Variants in CKLF observed in about 807,000 individuals in gnomAD.
The protein encoded by CKLF is chemokine-like factor.
CKLF carries 16 observed loss-of-function variants against 12.9 expected under a neutral mutation model. The ratio of observed to expected loss-of-function variants is 1.24; its 90% confidence interval spans 0.84 to 1.88. The LOEUF (loss-of-function observed/expected upper bound fraction) is 1.88, where lower values mean the gene tolerates loss of function less well. CKLF is among the 40% of genes most tolerant of loss of function. The pLI is 0.00. For synonymous variants in CKLF, 61 were observed against 69.0 expected (o/e 0.88, Z 0.57); for missense variants, 172 against 188.5 (o/e 0.91, Z 0.51).
At chr16:66,554,970 C>T (rs1290902734) in intron 1 of CKLF, among the ~76,000 whole-genome samples, 2 of 152,126 alleles carry the variant, frequency 1.3e-5, no homozygotes, top group East Asian at 3.9e-4. Context: ...GGCCCGGTGG[C>T]TCACCCTGTA....
intron 3 of CKLF, among the ~76,000 whole-genome samples, chr16:66,564,186 AT>A (rs935704769): frequency 6.6e-6 from 1 of 152,076 alleles, no homozygotes; most frequent in African/African-American, 2.4e-5. Context: ...TCATTTACTC[AT>A]TTCTTAAGTG....
intron 3 of CKLF, among the ~76,000 whole-genome samples, chr16:66,563,930 C>G (rs1025652947): frequency 1.3e-5 from 2 of 152,176 alleles, no homozygotes; most frequent in Non-Finnish European, 2.9e-5. Context: ...ATAAATCTTC[C>G]TACTTCCATG....
At chr16:66,554,177 G>A (rs571166311) in intron 1 of CKLF, among the ~76,000 whole-genome samples, 2 of 152,324 alleles carry the variant, frequency 1.3e-5, no homozygotes, top group South Asian at 4.1e-4. Flanking sequence ...CTAGGAGCTG[G>A]AACAGCAAAG....
chr16:66,562,212 G>T (rs1424714313), intron 2 of CKLF, among the ~76,000 whole-genome samples: 1 of 151,986 alleles, frequency 6.6e-6, no homozygotes, highest in Admixed American at 6.6e-5. Context: ...AGCCTCCCAA[G>T]TAGCTGGAAC....
chr16:66,563,206 G>C lies in CKLF; in HGVS notation c.322G>C (p.Val108Leu). Residue 108 changes from valine to leucine, a missense_variant, in exon 3 of 4, where the codon GTT becomes CTT. By Grantham distance (32) the Val-to-Leu change is conservative (BLOSUM62 1). Coordinates refer to ENST00000264001, the MANE Select transcript of CKLF (RefSeq NM_016951.4). ...GATACCAGAAACCACAACATTGACA[G>C]TTGGTGGAGGGGTAAGTGGAAGTCT... is the stretch of plus-strand genomic sequence containing the variant. ...ALIPETTTLT[V>L]GGGVFALVTA... 1 of 1,614,060 alleles carries C rather than the reference G, an allele frequency of 6.2e-7. No homozygotes were observed. The highest frequency in any genetic ancestry group is 8.5e-7 in the Non-Finnish European group (1 of 1,179,990).
rs1373108573 is a variant in CKLF at position 66,552,645 on chromosome 16, T to C, written c.-71T>C. On this transcript the variant is annotated 5_prime_UTR_variant, in exon 1 of 4. Coordinates refer to ENST00000264001, the MANE Select transcript of CKLF (RefSeq NM_016951.4). ...CGCCGCGGTGGCGGTTGCTATCGCT[T>C]CGCAGAACCTACTCAGGCAGCCAGC... The C allele has an allele frequency of 1.9e-6, 3 of 1,610,494 alleles. No individual in the cohort carries two copies. The highest frequency in any genetic ancestry group is 2.7e-5 in the African/African-American group (2 of 74,902).
downstream of CKLF, chr16:66,566,259 CTT>C: frequency 6.9e-7 from 1 of 1,456,706 alleles, no homozygotes. This position sits in a 1 kb window ranked among gnomAD's most constrained non-coding sequence, Gnocchi z 4.9. Context: ...CTTTGAATCT[CTT>C]TACTGCCTGG....
At chr16:66,559,160 T>TGCAGTGGTCTCATCCTCTTGGATGCC (rs1243446269) in intron 2 of CKLF, among the ~76,000 whole-genome samples, 7 of 152,336 alleles carry the variant, frequency 4.6e-5, no homozygotes, top group African/African-American at 1.7e-4. Flanking sequence ...CTTCCTTGGC[T>TGCAGTGGTCTCATCCTCTTGGATGCC]GCAGTGGTCT....
intron 3 of CKLF, chr16:66,565,514 A>G (rs1186863137): frequency 1.5e-5 from 3 of 194,952 alleles, no homozygotes; most frequent in Non-Finnish European, 3.2e-5. Flanking sequence ...TCAGTAGAGA[A>G]GTCAGAGTTG....
intron 3 of CKLF, among the ~76,000 whole-genome samples, chr16:66,565,466 G>A (rs1324827089): frequency 6.6e-6 from 1 of 152,112 alleles, no homozygotes; most frequent in Non-Finnish European, 1.5e-5. Context: ...TTAATATTGA[G>A]CTGGTGTTAA....
chr16:66,562,537 A>C (rs958821652), intron 2 of CKLF, among the ~76,000 whole-genome samples: 42 of 152,196 alleles, frequency 2.8e-4, no homozygotes, highest in Non-Finnish European at 3.7e-4. Flanking sequence ...ATTTATGTTA[A>C]GTAAAAAAGA....
intron 2 of CKLF, among the ~76,000 whole-genome samples, chr16:66,562,209 C>T (rs984858837): frequency 6.6e-6 from 1 of 152,058 alleles, no homozygotes. Context: ...CTCAGCCTCC[C>T]AAGTAGCTGG....
chr16:66,556,669 T>G (rs12449200), intron 1 of CKLF, among the ~76,000 whole-genome samples: 9,725 of 152,220 alleles, frequency 0.064, 463 homozygotes, highest in East Asian at 0.12. Context: ...AGTTTGAGAT[T>G]ATGTGTTGCT....
intron 1 of CKLF, chr16:66,553,598 C>T (rs1004862061): frequency 6.6e-6 from 1 of 152,138 alleles, no homozygotes; most frequent in East Asian, 1.9e-4. Flanking sequence ...ACAGAGAAAC[C>T]TTACAGGGAA....
At position 66,563,051 on chromosome 16, in the gene CKLF, T is replaced by C. The variant is rs888136713; in HGVS notation, c.238-71T>C. 8.2e-6 allele frequency: 13 copies of C among 1,583,780 alleles called. No homozygotes were observed. In the African/African-American group the frequency reaches 1.6e-4, roughly 20 times the overall value. ...GTTTTTTGTTGTTGTTGTTTTTTTGTTTTTTGTTTTTCCTTTTTAGCATTG... is the reference window on the plus strand; with the variant it reads ...GTTTTTTGTTGTTGTTGTTTTTTTGCTTTTTGTTTTTCCTTTTTAGCATTG... On this transcript the variant is annotated intron_variant, in intron 2 of 3. Transcript: ENST00000264001.
chr16:66,563,285 A>T (rs2011880152), intron 3 of CKLF, 68 bp downstream of exon 3: 1 of 1,564,286 alleles, frequency 6.4e-7, no homozygotes, highest in African/African-American at 1.4e-5. Context: ...TGGAAAACAG[A>T]TGTAAGAATA....
chr16:66,564,796 G>C (rs1435416675), intron 3 of CKLF, among the ~76,000 whole-genome samples: 4 of 152,118 alleles, frequency 2.6e-5, no homozygotes, highest in African/African-American at 9.7e-5. Flanking sequence ...TTTATAATGT[G>C]GCTGTTAAAA....
Position 66,552,786 on chromosome 16 carries a change from T to A in CKLF, c.71T>A (p.Leu24Gln), listed in dbSNP as rs768256191. 1 of 1,614,022 alleles carries A rather than the reference T, an allele frequency of 6.2e-7. No homozygotes were observed. Among genetic ancestry groups the A allele is most frequent in the East Asian group, 2.2e-5 (1 of 44,886 alleles). ...CFSVKGHVKM[L>Q]RLALTVTSMT... Reference sequence around the variant, plus strand: ...AGTGTGAAAGGCCACGTGAAGATGCTGCGGCTGGTGAGGCCGGGCCGCGGA... The same window carrying A: ...AGTGTGAAAGGCCACGTGAAGATGCAGCGGCTGGTGAGGCCGGGCCGCGGA... Residue 24 changes from leucine to glutamine, a missense_variant, in exon 1 of 4, where the codon CTG becomes CAG. Leu to Gln is a moderately radical substitution (Grantham distance 113). Transcript: ENST00000264001.
rs1965847281 is a variant in CKLF, at chr16:66,552,613, G to T, written c.-103G>T. The stretch of plus-strand genomic sequence containing the variant: ...AGCTGGGCGAGAAGTAGGGGAGGGC[G>T]GTGCTCCGCCGCGGTGGCGGTTGCT... On this transcript the variant is annotated 5_prime_UTR_variant, in exon 1 of 4. Coordinates refer to ENST00000264001, the MANE Select transcript of CKLF (RefSeq NM_016951.4). 6.4e-7 allele frequency: 1 copy of T among 1,568,732 alleles called. No individual in the cohort carries two copies. The highest frequency in any genetic ancestry group is 8.7e-7 in the Non-Finnish European group (1 of 1,144,178).
Sources: allele counts gnomAD v4.1 joint callset (sites outside exome capture counted in the v4.1 genomes callset), GRCh38; gene constraint gnomAD v4.1.1; non-coding constraint Gnocchi (gnomAD v3.1); transcripts MANE v1.5; gene names NCBI Gene and HGNC (gene_info 2026-07-23, HGNC 2026-07-21).